The following CPSF4 variants were observed in gnomAD, a reference collection of about 807,000 sequenced individuals.
The protein encoded by CPSF4 is cleavage and polyadenylation specific factor 4.
Under a neutral mutation model 37.7 loss-of-function variants are expected in CPSF4, and 11 were observed. The observed-to-expected ratio is 0.29, with a 90% CI of 0.18 to 0.48. The LOEUF (loss-of-function observed/expected upper bound fraction) is 0.48, where lower values mean the gene tolerates loss of function less well. Ranked by LOEUF, CPSF4 falls within the 20% of genes least tolerant of loss-of-function variation. The pLI is 0.99. For missense variants in CPSF4, 144 were observed against 359.5 expected (o/e 0.40, Z 4.85); for synonymous variants, 132 against 135.9 (o/e 0.97, Z 0.20).
At position 99,456,958 on chromosome 7, in the gene CPSF4, T is replaced by C. The variant is rs976406207; in HGVS notation, c.*458T>C. 20 of 288,506 alleles carry C rather than the reference T, an allele frequency of 6.9e-5. No individual in the cohort carries two copies. The highest frequency in any genetic ancestry group is 1.3e-4 in the Non-Finnish European group (19 of 144,694). The allele number at this position is 288,506 out of a possible 1,614,324, so 17.9% of individuals were successfully genotyped here. ...CTGCTGAATCCTAAAGCTGTGCCTA[T>C]ATCTGTGATTTGAATGAGGGAGCCC... On this transcript the variant is annotated 3_prime_UTR_variant, in exon 8 of 8. Transcript: ENST00000292476.
intron 5 of CPSF4, among the ~76,000 whole-genome samples, chr7:99,451,738 T>C (rs1412930953): frequency 6.6e-6 from 1 of 152,258 alleles, no homozygotes; most frequent in Admixed American, 6.5e-5. Context: ...TCTGTCACTT[T>C]GGTTGTGGAC....
chr7:99,443,893 T>C (rs1797249282), intron 1 of CPSF4, among the ~76,000 whole-genome samples: 1 of 151,764 alleles, frequency 6.6e-6, no homozygotes, highest in African/African-American at 2.4e-5. Context: ...CACTCTAGCC[T>C]GGGCGACAGA....
chr7:99,439,488 A>T, intron 1 of CPSF4: 1 of 310,944 alleles, frequency 3.2e-6, no homozygotes, highest in Non-Finnish European at 5.9e-6. Context: ...TGGTTTCAGG[A>T]CTCCTGACTC....
At chr7:99,442,957 A>T in intron 1 of CPSF4, 1 of 1,592,662 alleles carries the variant, frequency 6.3e-7, no homozygotes, top group Non-Finnish European at 8.6e-7. Flanking sequence ...GTTCCAGCTG[A>T]ACTTGTGACA....
At chr7:99,441,621 C>CAGAAATA (rs1439882839) in intron 1 of CPSF4, 59 of 434,232 alleles carry the variant, frequency 1.4e-4, no homozygotes, top group Admixed American at 4.8e-5. Context: ...GACTCAGTTC[C>CAGAAATA]CAGAACTGTG....
chr7:99,451,766 G>A (rs3823813), intron 5 of CPSF4, among the ~76,000 whole-genome samples: 9,259 of 152,282 alleles, frequency 0.061, 341 homozygotes, highest in African/African-American at 0.11. Context: ...TCTGCCTGGG[G>A]TGGCACTGGG....
chr7:99,440,594 T>C (rs1796821790), intron 1 of CPSF4, among the ~76,000 whole-genome samples: 4 of 148,474 alleles, frequency 2.7e-5, no homozygotes, highest in Admixed American at 2.7e-4. Flanking sequence ...TGGGCTCAAG[T>C]GATCCTTTTA....
intron 3 of CPSF4, 56 bp from the exon 4 acceptor site, chr7:99,450,220 C>A: frequency 7.2e-7 from 1 of 1,395,026 alleles, no homozygotes; most frequent in Non-Finnish European, 1.0e-6. Flanking sequence ...TGGATGAAGC[C>A]AAGGTGGGCC....
At position 99,455,139 on chromosome 7, in the gene CPSF4, C is replaced by T. The variant is rs531443286; in HGVS notation, c.741+1003C>T. ...CTTGCCACCCTCCAGGCCTGTTAAG[C>T]GGGGCCACTTCTGTGCAGCAAGCGC... On this transcript the variant is annotated intron_variant, in intron 7 of 7. Transcript: ENST00000292476. 1.4e-3 allele frequency among the ~76,000 whole-genome samples: 212 copies of T among 152,312 alleles called. 1 individual carries two copies. Among genetic ancestry groups the T allele is most frequent in the Non-Finnish European group, 2.1e-3 (143 of 68,028 alleles).
rs892607621 is a variant in CPSF4, at chr7:99,457,138, G to A, written c.*638G>A. The A allele has an allele frequency of 7.2e-5, 12 of 165,846 alleles. No homozygotes were observed. Among genetic ancestry groups the A allele is most frequent in the Admixed American group, 3.3e-4 (6 of 18,084 alleles). 10.3% of individuals were successfully genotyped at this position (165,846 alleles called of 1,614,324 possible). On this transcript the variant is annotated 3_prime_UTR_variant, in exon 8 of 8. Coordinates refer to ENST00000292476, the MANE Select transcript of CPSF4 (RefSeq NM_006693.4). ...GTGCCTGACAGTGTTTAAGGTGTCC[G>A]TTGAACTGGAGTTGCAGACTTTTAA...
At chr7:99,440,668 A>ATGTTTTTTTTTTTTTT (rs1263161658) in intron 1 of CPSF4, among the ~76,000 whole-genome samples, 1 of 84,826 alleles carries the variant, frequency 1.2e-5, no homozygotes, top group Non-Finnish European at 1.9e-5. Context: ...ATATATATAT[A>ATGTTTTTTTTTTTTTT]TATATATTTT....
Position 99,456,414 on chromosome 7 carries a change from ACTTCCTG to A in CPSF4, c.742-15_742-9del. On this transcript the variant is annotated splice_polypyrimidine_tract_variant and intron_variant, in intron 7 of 7. Coordinates refer to ENST00000292476, the MANE Select transcript of CPSF4 (RefSeq NM_006693.4). ...TGTTGTCTGTCTCTCCTCTTCCCCC[ACTTCCTG>A]CTGTTCCCAGTGTGGCGAGAAAGGA... 1 of 1,613,066 alleles carries A rather than the reference ACTTCCTG, an allele frequency of 6.2e-7. No individual in the cohort carries two copies. The highest frequency in any genetic ancestry group is 8.5e-7 in the Non-Finnish European group (1 of 1,179,226).
intron 1 of CPSF4, 55 bp downstream of exon 1, chr7:99,439,240 C>T (rs1388708011): frequency 1.1e-5 from 15 of 1,319,792 alleles, no homozygotes; most frequent in Non-Finnish European, 1.6e-5. Flanking sequence ...GGGACCCGCT[C>T]CTCTGTGATC....
At position 99,456,676 on chromosome 7, in the gene CPSF4, T is replaced by C; in HGVS notation, c.*176T>C. On this transcript the variant is annotated 3_prime_UTR_variant, in exon 8 of 8. Coordinates refer to ENST00000292476, the MANE Select transcript of CPSF4 (RefSeq NM_006693.4). ...TCCTATCATTTTGCCTTAGTATTTT[T>C]TGAAAAAGGGACATGTGTCCTGTGG... 2 of 686,458 alleles carry C rather than the reference T, an allele frequency of 2.9e-6. No homozygotes were observed. The highest frequency in any genetic ancestry group is 1.5e-5 in the South Asian group (1 of 66,038). 42.5% of individuals were successfully genotyped at this position (686,458 alleles called of 1,614,324 possible). A position where few individuals can be genotyped will look rare whatever the true frequency, so the allele number is the denominator to read the frequency against.
In CPSF4 at chr7:99,448,167, G is replaced by A. The variant is rs775533517; in HGVS notation, c.201G>A (p.Val67=). 3 of 1,614,088 alleles carry A rather than the reference G, an allele frequency of 1.9e-6. No homozygotes were observed. In the African/African-American group the frequency reaches 4.0e-5, roughly 22 times the overall value. Residue 67 remains valine (V), a synonymous_variant, in exon 3 of 8, where the codon GTG becomes GTA. Transcript: ENST00000292476. This position sits in a 1 kb window ranked among gnomAD's most constrained non-coding sequence, Gnocchi z 4.4. ...ACATCAGTGGTGAGAAGACAGTTGT[G>A]TGCAAACACTGGCTGCGTGGCCTAT... The part of the protein sequence containing the change: ...FRHISGEKTV[V]CKHWLRGLCK...
chr7:99,451,100 T>G (rs1797899886), intron 5 of CPSF4: 1 of 270,316 alleles, frequency 3.7e-6, no homozygotes, highest in Non-Finnish European at 7.0e-6. Context: ...ATTTGGGGAC[T>G]TCCAGTTAAG....
In CPSF4 at chr7:99,448,241, A is replaced by G; in HGVS notation, c.275A>G (p.Lys92Arg). Residue 92 changes from lysine to arginine, a missense_variant, in exon 3 of 8, where the codon AAG becomes AGG. Transcript: ENST00000292476. The surrounding 1 kb of genome is among the most constrained non-coding windows in gnomAD (Gnocchi z 4.4). ...TTCCTGCATGAGTATGACATGACCA[A>G]GATGCCCGAGTGCTACTTCTACTCC... ...CEFLHEYDMTKMPECYFYSKF... is the reference protein window; with the variant it reads ...CEFLHEYDMTRMPECYFYSKF... 1.9e-6 allele frequency: 3 copies of G among 1,614,146 alleles called. No homozygotes were observed. Among genetic ancestry groups the G allele is most frequent in the South Asian group, 1.1e-5 (1 of 91,076 alleles).
At position 99,442,673 on chromosome 7, in the gene CPSF4, AAAC is replaced by A. The variant is rs1462474276; in HGVS notation, c.104-2113_104-2111del. Among the ~76,000 whole-genome samples, 13 of 151,244 alleles carry A rather than the reference AAAC, an allele frequency of 8.6e-5. 1 individual carries two copies. The East Asian group carries it at 1.2e-3, about 14-fold the overall frequency. On this transcript the variant is annotated intron_variant, in intron 1 of 7. Coordinates refer to ENST00000292476, the MANE Select transcript of CPSF4 (RefSeq NM_006693.4). Reference sequence around the variant, plus strand: ...TCCGTCTCAAAAAAAAAAAAAAAAAAAACAAAAAACAAGCAATATAATCAAAAA... The same window carrying A: ...TCCGTCTCAAAAAAAAAAAAAAAAAAAAAAAACAAGCAATATAATCAAAAA...
chr7:99,449,263 G>A (rs528583942), intron 3 of CPSF4: 1 of 152,484 alleles, frequency 6.6e-6, no homozygotes, highest in African/African-American at 2.4e-5. Context: ...AATGAGAGCT[G>A]TGGCTTGTTT....
Sources: allele counts gnomAD v4.1 joint callset (sites outside exome capture counted in the v4.1 genomes callset), GRCh38; gene constraint gnomAD v4.1.1; non-coding constraint Gnocchi (gnomAD v3.1); transcripts MANE v1.5; gene names NCBI Gene and HGNC (gene_info 2026-07-23, HGNC 2026-07-21).